TLN2: variants seen among roughly 807,000 people sequenced by gnomAD.
The protein encoded by TLN2 is talin-2.
Under a neutral mutation model 294.7 loss-of-function variants are expected in TLN2, and 118 were observed. That is an observed-to-expected ratio of 0.40 (90% CI 0.34 to 0.47). The LOEUF (loss-of-function observed/expected upper bound fraction) is 0.47. Among genes scored for constraint, TLN2 ranks in the 20% least tolerant of loss-of-function variants. The probability of loss-of-function intolerance (pLI) is 0.84; values close to 1 mark genes in which losing one functional copy is unlikely to be tolerated. For synonymous variants in TLN2, 1,431 were observed against 1,304.5 expected (o/e 1.10, Z -2.09); for missense variants, 3,083 against 3,282.2 (o/e 0.94, Z 1.48).
chr15:62,722,246 TAGGACAAAA>T, intron 25 of TLN2, 98 bp from the exon 26 acceptor site: 2 of 1,292,038 alleles, frequency 1.5e-6, no homozygotes, highest in Admixed American at 2.7e-5. Flanking sequence ...TCCTTTTTTT[TAGGACAAAA>T]TCAGTTCTTA....
intron 2 of TLN2, among the ~76,000 whole-genome samples, chr15:62,606,394 A>G (rs145215706): frequency 1.3e-5 from 2 of 152,170 alleles, no homozygotes; most frequent in African/African-American, 4.8e-5. Flanking sequence ...CCTGGCCCCA[A>G]AAGATATTTT....
intron 54 of TLN2, among the ~76,000 whole-genome samples, chr15:62,825,062 G>A (rs2067923728): frequency 1.3e-5 from 2 of 152,182 alleles, no homozygotes. Flanking sequence ...ACACAGGAGA[G>A]GGTCCTGTAA....
chr15:62,431,985 C>T (rs964339543), intron 1 of TLN2, among the ~76,000 whole-genome samples: 12 of 152,242 alleles, frequency 7.9e-5, no homozygotes, highest in Admixed American at 7.8e-4. Context: ...CTGGAACGCT[C>T]CTTGGAAAGG....
chr15:62,720,532 C>T (rs538270514), intron 25 of TLN2, among the ~76,000 whole-genome samples: 3 of 151,930 alleles, frequency 2.0e-5, no homozygotes, highest in Non-Finnish European at 4.4e-5. Context: ...GTTGTAGGAC[C>T]CAGTGATACA....
At chr15:62,499,726 C>T (rs1040591450) in intron 1 of TLN2, among the ~76,000 whole-genome samples, 3 of 151,966 alleles carry the variant, frequency 2.0e-5, no homozygotes, top group South Asian at 2.1e-4. Context: ...CTCAGCCTCC[C>T]GAGAGTAGCT....
intron 3 of TLN2, among the ~76,000 whole-genome samples, chr15:62,620,829 TTC>T (rs1407452197): frequency 2.4e-5 from 3 of 127,570 alleles, no homozygotes; most frequent in Non-Finnish European, 4.7e-5. Flanking sequence ...TTTTTTTTCT[TTC>T]TTTTTCTTTT....
intron 9 of TLN2, among the ~76,000 whole-genome samples, chr15:62,671,333 G>A (rs1234653486): frequency 6.6e-6 from 1 of 151,874 alleles, no homozygotes; most frequent in Non-Finnish European, 1.5e-5. Context: ...TTTTGGTATT[G>A]TATCTAAAAA....
chr15:62,443,062 C>T (rs573291073), intron 1 of TLN2, among the ~76,000 whole-genome samples: 16 of 152,236 alleles, frequency 1.1e-4, no homozygotes, highest in African/African-American at 3.4e-4. Flanking sequence ...TGTGATTACA[C>T]GAGGTGCACC....
chr15:62,495,359 A>G (rs1194375881), intron 1 of TLN2, among the ~76,000 whole-genome samples: 2 of 152,208 alleles, frequency 1.3e-5, no homozygotes, highest in Non-Finnish European at 2.9e-5. Context: ...CCCAGAGAGA[A>G]TGCCACTAGA....
intron 1 of TLN2, among the ~76,000 whole-genome samples, chr15:62,561,864 T>C (rs984311302): frequency 3.9e-5 from 6 of 152,130 alleles, no homozygotes; most frequent in East Asian, 3.9e-4. Flanking sequence ...TTCCTTTTTT[T>C]CCCATCTTCA....
chr15:62,438,082 A>G (rs1181429174), intron 1 of TLN2, among the ~76,000 whole-genome samples: 1 of 152,180 alleles, frequency 6.6e-6, no homozygotes, highest in East Asian at 1.9e-4. Flanking sequence ...GCTCAGGGCC[A>G]AACAGCATTT....
intron 1 of TLN2, among the ~76,000 whole-genome samples, chr15:62,462,213 G>A (rs1288226830): frequency 6.6e-6 from 1 of 152,190 alleles, no homozygotes; most frequent in Non-Finnish European, 1.5e-5. Flanking sequence ...CAGCCTGGGT[G>A]ACAAAGCAAG....
chr15:62,740,136 T>G (rs952113815), intron 31 of TLN2, among the ~76,000 whole-genome samples: 11 of 151,664 alleles, frequency 7.3e-5, no homozygotes, highest in African/African-American at 2.7e-4. Flanking sequence ...GAATTGTTTC[T>G]CAGATGGCAA....
chr15:62,462,919 C>G (rs1219478659), intron 1 of TLN2, among the ~76,000 whole-genome samples: 1 of 152,160 alleles, frequency 6.6e-6, no homozygotes, highest in Non-Finnish European at 1.5e-5. Flanking sequence ...AGCTGCCACC[C>G]CCATAGGGAG....
At chr15:62,789,739 G>T (rs1177177969) in intron 45 of TLN2, among the ~76,000 whole-genome samples, 1 of 152,204 alleles carries the variant, frequency 6.6e-6, no homozygotes, top group Non-Finnish European at 1.5e-5. Flanking sequence ...CAGGAGGAGT[G>T]CACAGAGAAG....
intron 1 of TLN2, among the ~76,000 whole-genome samples, chr15:62,418,280 C>G (rs1473412701): frequency 1.3e-5 from 2 of 152,218 alleles, no homozygotes; most frequent in Non-Finnish European, 2.9e-5. Context: ...TACACTCCCA[C>G]TCATCCTTAA....
chr15:62,471,358 A>G (rs1172709458), intron 1 of TLN2, among the ~76,000 whole-genome samples: 4 of 152,196 alleles, frequency 2.6e-5, no homozygotes, highest in Non-Finnish European at 5.9e-5. Flanking sequence ...ACAAAACACA[A>G]AATTGTTGCC....
At chr15:62,657,979 C>CT in intron 9 of TLN2, 81 bp downstream of exon 9, 1 of 1,335,942 alleles carries the variant, frequency 7.5e-7, no homozygotes, top group African/African-American at 1.5e-5. Context: ...AGCTAGGTGT[C>CT]TAAGATCATA....
At chr15:62,839,083 C>T in intron 58 of TLN2, 102 bp downstream of exon 58, 9 of 1,449,064 alleles carry the variant, frequency 6.2e-6, no homozygotes, top group Non-Finnish European at 8.4e-6. Flanking sequence ...TTATTTCTTC[C>T]TCGTGTACCA....
Sources: allele counts gnomAD v4.1 joint callset (sites outside exome capture counted in the v4.1 genomes callset), GRCh38; gene constraint gnomAD v4.1.1; transcripts MANE v1.5; gene names NCBI Gene and HGNC (gene_info 2026-07-23, HGNC 2026-07-21).